The following SGSM1 variants were observed in gnomAD, a reference collection of about 807,000 sequenced individuals.
The protein encoded by SGSM1 is RUN and TBC1 domain containing 2.
A neutral mutation model predicts 133.8 loss-of-function variants in SGSM1; 73 were observed. The observed-to-expected ratio is 0.55, with a 90% CI of 0.45 to 0.66. SGSM1 has a LOEUF of 0.66. Ranked by LOEUF, SGSM1 falls within the 30% of genes least tolerant of loss-of-function variation. SGSM1 has a pLI of 0.00. For synonymous variants in SGSM1, 563 were observed against 573.0 expected, an observed-to-expected ratio of 0.98 and a Z score of 0.25; for missense variants, 1,213 against 1,448.1, an observed-to-expected ratio of 0.84 and a Z score of 2.64.
At chr22:24,899,625 C>A (rs756775038) in intron 19 of SGSM1, among the ~76,000 whole-genome samples, 9 of 151,378 alleles carry the variant, frequency 5.9e-5, no homozygotes, top group Non-Finnish European at 1.2e-4. Context: ...CGAATTCATG[C>A]CATTCTCTTG....
intron 2 of SGSM1, among the ~76,000 whole-genome samples, chr22:24,829,446 A>T (rs1204115548): frequency 1.3e-5 from 2 of 152,192 alleles, no homozygotes; most frequent in Non-Finnish European, 2.9e-5. Context: ...CTGGATGATG[A>T]AATAATCTGT....
intron 2 of SGSM1, among the ~76,000 whole-genome samples, chr22:24,825,976 C>T (rs576552780): frequency 6.6e-5 from 10 of 152,096 alleles, no homozygotes; most frequent in African/African-American, 1.4e-4. Flanking sequence ...ACAGCTGGCC[C>T]GGGTGATTTT....
At chr22:24,822,176 C>T (rs537193191) in intron 2 of SGSM1, among the ~76,000 whole-genome samples, 6 of 149,248 alleles carry the variant, frequency 4.0e-5, no homozygotes, top group Admixed American at 2.0e-4. Flanking sequence ...CTGCAACCTC[C>T]GCCTCCCAGG....
intron 2 of SGSM1, among the ~76,000 whole-genome samples, chr22:24,820,968 C>CA (rs2147793666): frequency 6.6e-6 from 1 of 152,292 alleles, no homozygotes; most frequent in Admixed American, 6.5e-5. Flanking sequence ...CTTACCTGGG[C>CA]AGTCATGGCA....
intron 2 of SGSM1, among the ~76,000 whole-genome samples, chr22:24,829,946 G>C (rs963805026): frequency 1.3e-5 from 2 of 152,186 alleles, no homozygotes; most frequent in African/African-American, 4.8e-5. Flanking sequence ...CCACATCTGA[G>C]AGCCTGGAAT....
intron 18 of SGSM1, among the ~76,000 whole-genome samples, chr22:24,896,163 G>C (rs1430898626): frequency 6.6e-6 from 1 of 152,022 alleles, no homozygotes; most frequent in African/African-American, 2.4e-5. Flanking sequence ...TTTGAGAATG[G>C]TATGAGGAGC....
At chr22:24,844,632 A>G in intron 2 of SGSM1, 5 of 466,518 alleles carry the variant, frequency 1.1e-5, no homozygotes, top group Non-Finnish European at 3.9e-6. Context: ...AAAGGAGATG[A>G]CGTTTTGTGA....
chr22:24,892,262 C>T (rs1932827514), intron 16 of SGSM1, among the ~76,000 whole-genome samples: 1 of 152,100 alleles, frequency 6.6e-6, no homozygotes, highest in Non-Finnish European at 1.5e-5. Context: ...AGTCCCCCTC[C>T]CGAAGTCCTG....
In SGSM1 at chr22:24,868,531, A is replaced by G. The variant is rs766867835; in HGVS notation, c.1150A>G (p.Arg384Gly). Residue 384 changes from arginine (R) to glycine (G), a missense_variant, in exon 11 of 25, where the codon AGG becomes GGG. By Grantham distance (125) the Arg-to-Gly change is moderately radical (BLOSUM62 -2). Coordinates refer to ENST00000400358, the MANE Select transcript of SGSM1 (RefSeq NM_001098497.3). ...GTTGGACCCGCCACTGTGGTCCCAGAGGGGTAAGGTGAGTGATCATCGGGA... is the reference window on the plus strand; with the variant it reads ...GTTGGACCCGCCACTGTGGTCCCAGGGGGGTAAGGTGAGTGATCATCGGGA... ...GQLDPPLWSQ[R>G]GKGKVFPKLR... The G allele has an allele frequency of 1.2e-6, 2 of 1,613,788 alleles. No individual in the cohort carries two copies. The highest frequency in any genetic ancestry group is 3.3e-5 in the Admixed American group (2 of 60,006).
chr22:24,887,398 A>G (rs1932677555), intron 16 of SGSM1, among the ~76,000 whole-genome samples: 1 of 152,196 alleles, frequency 6.6e-6, no homozygotes, highest in Non-Finnish European at 1.5e-5. Context: ...CACTCAGCAT[A>G]AAACCTCATC....
Position 24,850,429 on chromosome 22 carries a change from G to A in SGSM1, c.452G>A (p.Ser151Asn). 6.2e-7 allele frequency: 1 copy of A among 1,613,878 alleles called. No individual in the cohort carries two copies. Among genetic ancestry groups the A allele is most frequent in the Non-Finnish European group, 8.5e-7 (1 of 1,179,830 alleles). ...DKIVHYLVEN[S>N]SKYYEKEALL... ...ATTGTGCATTACCTTGTGGAAAACA[G>A]CAGGTGAGAGGGAAAGACCTGACAC... The change falls in exon 5 of 25, where the codon AGC (serine) becomes AAC (asparagine). Residue 151 changes from serine to asparagine, a missense_variant. Transcript: ENST00000400358.
intron 18 of SGSM1, among the ~76,000 whole-genome samples, chr22:24,897,083 T>G (rs1932933792): frequency 6.6e-6 from 1 of 151,558 alleles, no homozygotes; most frequent in African/African-American, 2.4e-5. Context: ...TACCCCCTTC[T>G]CAGAGTCAAC....
intron 16 of SGSM1, among the ~76,000 whole-genome samples, chr22:24,890,192 G>A (rs1569165331): frequency 1.3e-5 from 2 of 152,152 alleles, no homozygotes; most frequent in Middle Eastern, 3.2e-3. Flanking sequence ...TCCTGACCTT[G>A]TGATCCGCCC....
chr22:24,909,179 C>G (rs1441054484), intron 21 of SGSM1, among the ~76,000 whole-genome samples: 1 of 152,148 alleles, frequency 6.6e-6, no homozygotes, highest in East Asian at 1.9e-4. Flanking sequence ...CATCCAGAAA[C>G]CATCCCCCCG....
At chr22:24,888,494 A>G (rs1403629154) in intron 16 of SGSM1, among the ~76,000 whole-genome samples, 4 of 152,194 alleles carry the variant, frequency 2.6e-5, no homozygotes, top group Non-Finnish European at 4.4e-5. Context: ...GGGGCCGGGC[A>G]CGGTGGCTCA....
intron 2 of SGSM1, among the ~76,000 whole-genome samples, chr22:24,839,736 C>T (rs1929675806): frequency 6.6e-6 from 1 of 152,044 alleles, no homozygotes; most frequent in South Asian, 2.1e-4. Flanking sequence ...AGAATTTATT[C>T]ATCTTATCTA....
intron 14 of SGSM1, among the ~76,000 whole-genome samples, chr22:24,882,975 G>A (rs1307689316): frequency 4.0e-5 from 6 of 150,940 alleles, no homozygotes; most frequent in Admixed American, 2.0e-4. Context: ...TCAGCTCACT[G>A]CAAGCTCCGC....
chr22:24,895,975 G>A (rs1410834508), intron 18 of SGSM1, among the ~76,000 whole-genome samples: 2 of 152,162 alleles, frequency 1.3e-5, no homozygotes, highest in Non-Finnish European at 2.9e-5. Context: ...CCAGGGCCCA[G>A]GAGGTTGAGG....
chr22:24,828,716 A>G (rs1157249476), intron 2 of SGSM1, among the ~76,000 whole-genome samples: 2 of 152,266 alleles, frequency 1.3e-5, no homozygotes, highest in Non-Finnish European at 2.9e-5. Context: ...CAGCAATCCC[A>G]TTACTGGGTA....
Sources: gnomAD v4.1 joint callset for allele counts (sites outside exome capture counted in the v4.1 genomes callset) on GRCh38, gnomAD v4.1.1 for gene constraint, MANE v1.5 for transcripts, NCBI Gene and HGNC (gene_info 2026-07-23, HGNC 2026-07-21) for gene names.